The following LRRC9 variants were observed in gnomAD, a reference collection of about 807,000 sequenced individuals.
The protein encoded by LRRC9 is leucine-rich repeat-containing protein 9.
Under a neutral mutation model 63.2 loss-of-function variants are expected in LRRC9, and 122 were observed. The ratio of observed to expected loss-of-function variants is 1.93; its 90% confidence interval spans 1.67 to 2.24. The LOEUF is 2.24. LRRC9 is among the 30% of genes most tolerant of loss of function. The probability of loss-of-function intolerance (pLI) is 0.00; values close to 1 mark genes in which losing one functional copy is unlikely to be tolerated. For missense variants in LRRC9, 1,071 were observed against 627.7 expected, an observed-to-expected ratio of 1.71 and a Z score of -7.55; for synonymous variants, 366 against 213.1, an observed-to-expected ratio of 1.72 and a Z score of -6.25.
rs887772409 is a variant in LRRC9 at position 60,003,552 on chromosome 14, T to A, written c.2665-69T>A. On this transcript the variant is annotated intron_variant, in intron 20 of 31. Transcript: ENST00000445360. This position sits in a 1 kb window ranked among gnomAD's most constrained non-coding sequence, Gnocchi z 4.2. ...CATTTGAATTATTTCATTAGCTTTT[T>A]AAAATGTTATTAACATTGACTGAAT... is the stretch of plus-strand genomic sequence containing the variant. 5.7e-6 allele frequency: 3 copies of A among 529,268 alleles called. No individual in the cohort carries two copies. Among genetic ancestry groups the A allele is most frequent in the African/African-American group, 2.0e-5 (1 of 51,056 alleles). 32.8% of individuals were successfully genotyped at this position (529,268 alleles called of 1,614,324 possible). A position where few individuals can be genotyped will look rare whatever the true frequency, so the allele number is the denominator to read the frequency against.
chr14:59,923,017 G>A lies in LRRC9; in HGVS notation c.-34+3134G>A, dbSNP rs1366573087. The stretch of plus-strand genomic sequence containing the variant: ...CCTGGTGGCTTCTGGTTTTGTGGGG[G>A]AACTAGAGATGACCTTTAGCCTCTT... On this transcript the variant is annotated intron_variant, in intron 1 of 31. Transcript: ENST00000445360. The surrounding 1 kb of genome is among the most constrained non-coding windows in gnomAD (Gnocchi z 4.2). Among the ~76,000 whole-genome samples, 5 of 152,280 alleles carry A rather than the reference G, an allele frequency of 3.3e-5. No individual in the cohort carries two copies. In the East Asian group the frequency reaches 9.7e-4, roughly 29 times the overall value.
intron 8 of LRRC9, among the ~76,000 whole-genome samples, chr14:59,957,679 G>A (rs1390564652): frequency 6.6e-6 from 1 of 152,120 alleles, no homozygotes; most frequent in East Asian, 1.9e-4. Flanking sequence ...TTGCTGGAGA[G>A]GAGTTGCGAT....
chr14:59,945,559 A>G (rs1181858284), intron 8 of LRRC9, among the ~76,000 whole-genome samples: 1 of 152,036 alleles, frequency 6.6e-6, no homozygotes, highest in Non-Finnish European at 1.5e-5. Flanking sequence ...GCTAAATGAA[A>G]GAAATACTAG....
Position 59,923,246 on chromosome 14 carries a change from T to C in LRRC9, c.-34+3363T>C, listed in dbSNP as rs1594794632. On this transcript the variant is annotated intron_variant, in intron 1 of 31. Transcript: ENST00000445360. This position sits in a 1 kb window ranked among gnomAD's most constrained non-coding sequence, Gnocchi z 4.2. ...GAAATAGTTATACAACTTATAGAAT[T>C]TGGGGTTTTTAAATTAAATTGTATT... Among the ~76,000 whole-genome samples, 2 of 152,178 alleles carry C rather than the reference T, an allele frequency of 1.3e-5. No individual in the cohort carries two copies. Among genetic ancestry groups the C allele is most frequent in the Admixed American group, 6.5e-5 (1 of 15,282 alleles).
chr14:59,983,228 T>TC (rs1887117615), intron 16 of LRRC9, among the ~76,000 whole-genome samples: 1 of 151,966 alleles, frequency 6.6e-6, no homozygotes. Flanking sequence ...CTTTGGGTGT[T>TC]ATTCATTATA....
chr14:59,947,090 C>G (rs1882517694), intron 8 of LRRC9, among the ~76,000 whole-genome samples: 1 of 148,962 alleles, frequency 6.7e-6, no homozygotes, highest in South Asian at 2.1e-4. Flanking sequence ...ACACTGACTT[C>G]CACAATGGTT....
rs189279043 is a variant in LRRC9, at chr14:60,040,448, A to G, written c.3990+8385A>G. Reference sequence around the variant, plus strand: ...GCTTTATGAATCTGGGTGCTCCTGTATTGGGTGCATATATATGTAGGATAG... The same window carrying G: ...GCTTTATGAATCTGGGTGCTCCTGTGTTGGGTGCATATATATGTAGGATAG... On this transcript the variant is annotated intron_variant, in intron 29 of 31. Transcript: ENST00000445360. 2.7e-3 allele frequency among the ~76,000 whole-genome samples: 405 copies of G among 152,016 alleles called. 8 individuals are homozygous for G. The highest frequency in any genetic ancestry group is 0.02 in the East Asian group (105 of 5,188).
In LRRC9 at chr14:59,956,311, T is replaced by G. The variant is rs147411068; in HGVS notation, c.883-3507T>G. Among the ~76,000 whole-genome samples the G allele has an allele frequency of 3.4e-3, 513 of 151,792 alleles. 18 individuals are homozygous for G. In the East Asian group the frequency reaches 0.058, roughly 17 times the overall value. On this transcript the variant is annotated intron_variant, in intron 8 of 31. Coordinates refer to ENST00000445360, the Ensembl canonical transcript of LRRC9. The stretch of plus-strand genomic sequence containing the variant: ...TCTCTAAGATCTTATTTTATGAATC[T>G]GGGTGCTCCTGTATTGGGTGCATAT...
intron 29 of LRRC9, among the ~76,000 whole-genome samples, chr14:60,038,639 T>C (rs1001888211): frequency 2.0e-5 from 3 of 152,244 alleles, no homozygotes; most frequent in African/African-American, 4.8e-5. Flanking sequence ...TTTGCTGAAG[T>C]TGCTTATCAG....
intron 31 of LRRC9, among the ~76,000 whole-genome samples, chr14:60,059,478 G>T (rs1388364977): frequency 6.6e-6 from 1 of 152,180 alleles, no homozygotes; most frequent in Non-Finnish European, 1.5e-5. Flanking sequence ...CTAAAGGTAG[G>T]CCTCTTGTAT....
intron 19 of LRRC9, among the ~76,000 whole-genome samples, chr14:60,001,109 A>G (rs1309679885): frequency 1.3e-5 from 2 of 152,190 alleles, no homozygotes; most frequent in African/African-American, 4.8e-5. Context: ...AAGAATATGA[A>G]GTAAAAGTGT....
intron 19 of LRRC9, among the ~76,000 whole-genome samples, chr14:59,999,588 A>C (rs542611207): frequency 6.6e-6 from 1 of 152,052 alleles, no homozygotes; most frequent in African/African-American, 2.4e-5. Flanking sequence ...TGAATTATCT[A>C]TCTACTTAAT....
At position 59,994,708 on chromosome 14, in the gene LRRC9, G is replaced by A. The variant is rs1594971063; in HGVS notation, c.2212-2948G>A. 2.0e-5 allele frequency among the ~76,000 whole-genome samples: 3 copies of A among 152,278 alleles called. No homozygotes were observed. The East Asian group carries it at 5.8e-4, about 29-fold the overall frequency. On this transcript the variant is annotated intron_variant, in intron 17 of 31. Transcript: ENST00000445360. ...AAAAAATGATGAGTTCATGTCCTTT[G>A]TAGGGACATGGATGAAGCTGGAAAC...
intron 12 of LRRC9, among the ~76,000 whole-genome samples, chr14:59,968,110 C>T (rs189849496): frequency 4.8e-4 from 73 of 152,188 alleles, no homozygotes; most frequent in South Asian, 4.1e-3. Flanking sequence ...AATGAAATTC[C>T]GAAACTTCCT....
At chr14:59,974,492 A>G (rs1885896266) in intron 12 of LRRC9, 84 bp from the exon 13 acceptor site, 2 of 458,746 alleles carry the variant, frequency 4.4e-6, no homozygotes, top group East Asian at 3.4e-5. Flanking sequence ...CAGACACATA[A>G]AAATAAAATA....
At chr14:59,991,900 A>C (rs1239473682) in intron 17 of LRRC9, among the ~76,000 whole-genome samples, 1 of 152,224 alleles carries the variant, frequency 6.6e-6, no homozygotes, top group Non-Finnish European at 1.5e-5. Flanking sequence ...GGCATTGCCA[A>C]ACAAAAGGCA....
chr14:60,026,104 G>A (rs1034283957), intron 27 of LRRC9, among the ~76,000 whole-genome samples: 1 of 152,002 alleles, frequency 6.6e-6, no homozygotes, highest in African/African-American at 2.4e-5. Context: ...CAATAGTACT[G>A]GACCACAAGT....
intron 17 of LRRC9, among the ~76,000 whole-genome samples, chr14:59,991,460 A>C (rs1171029406): frequency 6.6e-6 from 1 of 152,114 alleles, no homozygotes; most frequent in East Asian, 1.9e-4. Flanking sequence ...GGAGTGTCGG[A>C]AAGTGGGTGC....
At chr14:60,064,893 C>A (rs1281594496), downstream of LRRC9, among the ~76,000 whole-genome samples, 1 of 152,074 alleles carries the variant, frequency 6.6e-6, no homozygotes, top group Non-Finnish European at 1.5e-5. Flanking sequence ...ATAGGTTTCA[C>A]TGGAGAAAAA....
Sources: gnomAD v4.1 joint callset for allele counts (sites outside exome capture counted in the v4.1 genomes callset) on GRCh38, gnomAD v4.1.1 for gene constraint, Gnocchi (gnomAD v3.1) non-coding constraint, MANE v1.5 for transcripts, NCBI Gene and HGNC (gene_info 2026-07-23, HGNC 2026-07-21) for gene names.